CSMD1: variants seen among roughly 807,000 people sequenced by gnomAD.
CSMD1 encodes CUB and Sushi multiple domains 1.
CSMD1 carries 213 observed loss-of-function variants against 417.5 expected under a neutral mutation model. That is an observed-to-expected ratio of 0.51 (90% CI 0.46 to 0.57). The LOEUF (loss-of-function observed/expected upper bound fraction) is 0.57. CSMD1 is among the 20% of genes least tolerant of loss of function. CSMD1 has a pLI of 0.00. For missense variants in CSMD1, 6,923 were observed against 4,529.7 expected (o/e 1.53, Z -15.17); for synonymous variants, 2,862 against 1,736.8 (o/e 1.65, Z -16.11).
chr8:3,595,484 T>C (rs1283752202), intron 8 of CSMD1, among the ~76,000 whole-genome samples: 1 of 152,198 alleles, frequency 6.6e-6, no homozygotes. Context: ...AGAGAGTAGA[T>C]GGAACTCTCT....
At chr8:3,385,158 A>T (rs1810927454) in intron 18 of CSMD1, among the ~76,000 whole-genome samples, 1 of 136,672 alleles carries the variant, frequency 7.3e-6, no homozygotes, top group Non-Finnish European at 1.5e-5. Flanking sequence ...TAAATATATA[A>T]TACATAATAT....
At chr8:3,850,244 CA>C (rs1803805056) in intron 5 of CSMD1, among the ~76,000 whole-genome samples, 1 of 152,150 alleles carries the variant, frequency 6.6e-6, no homozygotes. Context: ...AATAAAAAAC[CA>C]ATAGGTAAGT....
intron 52 of CSMD1, among the ~76,000 whole-genome samples, chr8:3,017,115 T>C (rs1392336682): frequency 2.0e-5 from 3 of 152,194 alleles, no homozygotes; most frequent in Non-Finnish European, 4.4e-5. Context: ...AGAGCAGCAA[T>C]CAACTGTAAG....
chr8:4,563,526 A>T (rs1798446355), intron 2 of CSMD1, among the ~76,000 whole-genome samples: 1 of 152,200 alleles, frequency 6.6e-6, no homozygotes, highest in Non-Finnish European at 1.5e-5. Context: ...TGCCCCACGC[A>T]CTGATACTCC....
chr8:4,474,978 G>A (rs980482626), intron 2 of CSMD1, among the ~76,000 whole-genome samples: 1 of 152,162 alleles, frequency 6.6e-6, no homozygotes, highest in Non-Finnish European at 1.5e-5. Context: ...ACTACAGGCT[G>A]TTAGTAATTA....
Position 2,978,615 on chromosome 8 carries a change from A to T in CSMD1, c.8563T>A (p.Leu2855Met), listed in dbSNP as rs767411928. 14 of 1,584,978 alleles carry T rather than the reference A, an allele frequency of 8.8e-6. No individual in the cohort carries two copies. The highest frequency in any genetic ancestry group is 1.1e-5 in the Non-Finnish European group (13 of 1,165,140). Reference protein sequence around the residue: ...GLWDRSLPKCLAISCGHPGVP... With the variant: ...GLWDRSLPKCMAISCGHPGVP... Reference sequence around the variant, plus strand: ...ATTGGGAATAACCCTGACTTACCCAAACACTTGGGCAGGGATCGGTCCCAT... The same window carrying T: ...ATTGGGAATAACCCTGACTTACCCATACACTTGGGCAGGGATCGGTCCCAT... Residue 2855 changes from leucine to methionine, a missense_variant, in exon 55 of 70, where the codon TTG (leucine) becomes ATG (methionine). By Grantham distance (15) the Leu-to-Met change is conservative. Transcript: ENST00000635120.
At chr8:3,051,341 G>C (rs534313163) in intron 50 of CSMD1, among the ~76,000 whole-genome samples, 28 of 152,290 alleles carry the variant, frequency 1.8e-4, no homozygotes, top group African/African-American at 6.5e-4. Context: ...ACTAATGCAG[G>C]AACAGAAAAC....
chr8:4,980,373 G>C (rs1180105893), intron 1 of CSMD1, among the ~76,000 whole-genome samples: 1 of 152,222 alleles, frequency 6.6e-6, no homozygotes, highest in African/African-American at 2.4e-5. Context: ...CCAGCAAGGA[G>C]CAATAGAGGC....
intron 10 of CSMD1, among the ~76,000 whole-genome samples, chr8:3,560,416 T>C (rs1054086661): frequency 4.6e-5 from 7 of 152,112 alleles, no homozygotes; most frequent in Admixed American, 3.3e-4. Flanking sequence ...TAAGATGAAA[T>C]AGCTGCAAAA....
intron 12 of CSMD1, among the ~76,000 whole-genome samples, chr8:3,451,587 T>G (rs1020296779): frequency 4.6e-5 from 7 of 152,288 alleles, no homozygotes; most frequent in South Asian, 2.1e-4. Flanking sequence ...TTTCCCCATT[T>G]CCTGTTTTTG....
At chr8:4,967,242 A>G (rs901183829) in intron 1 of CSMD1, among the ~76,000 whole-genome samples, 1 of 152,224 alleles carries the variant, frequency 6.6e-6, no homozygotes, top group South Asian at 2.1e-4. Flanking sequence ...TCAAAGTTGG[A>G]TAATACTTAG....
At position 3,142,701 on chromosome 8, in the gene CSMD1, A is replaced by G. The variant is rs549950352; in HGVS notation, c.6032-27T>C. The G allele has an allele frequency of 3.2e-5, 49 of 1,538,884 alleles. No individual in the cohort carries two copies. The South Asian group carries it at 5.2e-4, about 16-fold the overall frequency. ...TATGGAAAAACATGCAAACTTAATG[A>G]AAGTTCATATCAAAATGTATAAAAT... On this transcript the variant is annotated intron_variant, in intron 40 of 69. Transcript: ENST00000635120.
At chr8:4,977,303 G>T (rs976836772) in intron 1 of CSMD1, among the ~76,000 whole-genome samples, 2 of 152,126 alleles carry the variant, frequency 1.3e-5, no homozygotes, top group Non-Finnish European at 2.9e-5. Context: ...AATAAGGCAA[G>T]AAGGGTTATA....
intron 7 of CSMD1, among the ~76,000 whole-genome samples, chr8:3,640,307 A>G (rs775744680): frequency 1.3e-5 from 2 of 152,246 alleles, no homozygotes; most frequent in East Asian, 3.8e-4. Flanking sequence ...TCCAGGTTTC[A>G]TGTTCACAAC....
At chr8:3,261,743 G>T (rs927813893) in intron 26 of CSMD1, among the ~76,000 whole-genome samples, 5 of 152,124 alleles carry the variant, frequency 3.3e-5, no homozygotes, top group African/African-American at 1.2e-4. Flanking sequence ...GAAGAGGCCA[G>T]TCCGAGAGAC....
chr8:4,344,085 C>T (rs184314947), intron 3 of CSMD1, among the ~76,000 whole-genome samples: 43 of 152,228 alleles, frequency 2.8e-4, no homozygotes, highest in African/African-American at 8.7e-4. Flanking sequence ...TGGCTTAACA[C>T]GGTATACCAG....
In CSMD1 at chr8:3,393,498, G is replaced by A. The variant is rs150615363; in HGVS notation, c.2593+2696C>T. ...GAAAGAAAAATGGCATTTTTTTCAT[G>A]TGTCTGTTGGCTGCATAAATGTCTT... On this transcript the variant is annotated intron_variant, in intron 17 of 69. Coordinates refer to ENST00000635120, the MANE Select transcript of CSMD1 (RefSeq NM_033225.6). 4.4e-3 allele frequency among the ~76,000 whole-genome samples: 675 copies of A among 152,158 alleles called. 3 individuals carry two copies. The highest frequency in any genetic ancestry group is 0.034 in the Middle Eastern group (10 of 294).
At chr8:4,204,790 G>C (rs1345119556) in intron 3 of CSMD1, among the ~76,000 whole-genome samples, 3 of 152,018 alleles carry the variant, frequency 2.0e-5, no homozygotes, top group African/African-American at 7.3e-5. Context: ...GAGTAGCTGA[G>C]ACCACAGGCA....
chr8:3,135,783 G>C (rs1168566798), intron 41 of CSMD1, among the ~76,000 whole-genome samples: 1 of 152,216 alleles, frequency 6.6e-6, no homozygotes, highest in African/African-American at 2.4e-5. Context: ...GCTGGACTTA[G>C]ACACAAGCTG....
Sources: gnomAD v4.1 joint callset for allele counts (sites outside exome capture counted in the v4.1 genomes callset) on GRCh38, gnomAD v4.1.1 for gene constraint, MANE v1.5 for transcripts, NCBI Gene and HGNC (gene_info 2026-07-23, HGNC 2026-07-21) for gene names.